Variants in RIN2 observed in about 807,000 individuals in gnomAD.
RIN2 encodes the protein RAB5 interacting protein 2.
Under a neutral mutation model 78.0 loss-of-function variants are expected in RIN2, and 36 were observed. That is an observed-to-expected ratio of 0.46 (90% CI 0.35 to 0.61). The LOEUF (loss-of-function observed/expected upper bound fraction) is 0.61. Ranked by LOEUF, RIN2 falls within the 20% of genes least tolerant of loss-of-function variation. The pLI is 0.00. For synonymous variants in RIN2, 466 were observed against 466.8 expected (o/e 1.00, Z 0.02); for missense variants, 1,087 against 1,159.7 (o/e 0.94, Z 0.91).
upstream of RIN2, chr20:19,758,209 TTCCTCCTCTTCCTCC>T (rs36233368): frequency 0.34 from 50,926 of 149,024 alleles, 10,839 homozygotes; most frequent in Non-Finnish European, 0.44. Context: ...TTTCTCCCCC[TTCCTCCTCTTCCTCC>T]TCCTCCTCTT....
chr20:19,893,734 T>C (rs894518425), intron 3 of RIN2, among the ~76,000 whole-genome samples: 7 of 152,144 alleles, frequency 4.6e-5, no homozygotes, highest in African/African-American at 1.7e-4. Context: ...CATTGTTAAT[T>C]TTCCACAACC....
chr20:19,870,017 AT>A (rs2123355666), intron 2 of RIN2, among the ~76,000 whole-genome samples: 1 of 152,072 alleles, frequency 6.6e-6, no homozygotes, highest in African/African-American at 2.4e-5. Flanking sequence ...CCTCTGTACT[AT>A]TTGCACAGGT....
At chr20:19,876,501 G>A (rs1409659362) in intron 2 of RIN2, among the ~76,000 whole-genome samples, 2 of 152,202 alleles carry the variant, frequency 1.3e-5, no homozygotes, top group East Asian at 3.8e-4. Context: ...TAAAATGGAA[G>A]CTTCCAGATG....
At chr20:19,923,013 T>C (rs2039990736) in intron 3 of RIN2, among the ~76,000 whole-genome samples, 1 of 152,170 alleles carries the variant, frequency 6.6e-6, no homozygotes, top group Non-Finnish European at 1.5e-5. Flanking sequence ...CCTTTTAAGC[T>C]TGAGGAAATT....
intron 7 of RIN2, among the ~76,000 whole-genome samples, chr20:19,966,496 G>A (rs553533611): frequency 3.9e-5 from 6 of 152,106 alleles, no homozygotes; most frequent in African/African-American, 1.4e-4. Context: ...GCTAATTTTT[G>A]TATTTTTAGT....
chr20:19,962,467 TCGTTGTTCATTGAGG>T (rs2146265511), intron 6 of RIN2, among the ~76,000 whole-genome samples: 1 of 152,332 alleles, frequency 6.6e-6, no homozygotes, highest in Admixed American at 6.5e-5. Flanking sequence ...GGAAGCTTCC[TCGTTGTTCATTGAGG>T]TCCTTGTGGC....
At chr20:19,952,279 G>T (rs2146213754) in intron 4 of RIN2, among the ~76,000 whole-genome samples, 1 of 152,290 alleles carries the variant, frequency 6.6e-6, no homozygotes, top group East Asian at 1.9e-4. Flanking sequence ...CAGGAGAAGA[G>T]GGGCAGCTGT....
At chr20:19,987,816 C>A (rs1469404151) in intron 9 of RIN2, among the ~76,000 whole-genome samples, 4 of 152,118 alleles carry the variant, frequency 2.6e-5, no homozygotes, top group Admixed American at 2.0e-4. Context: ...ACTTTATAAC[C>A]TCCTTCGCAT....
intron 4 of RIN2, among the ~76,000 whole-genome samples, chr20:19,939,596 A>C (rs1448427469): frequency 6.6e-6 from 1 of 151,850 alleles, no homozygotes. Flanking sequence ...ACACCCCAGC[A>C]CCCCTCTCCT....
At chr20:19,886,741 G>T (rs188049434) in intron 2 of RIN2, 2 of 1,545,992 alleles carry the variant, frequency 1.3e-6, no homozygotes, top group Admixed American at 4.0e-5. Context: ...GCTTCCAACC[G>T]GTACAAGTCT....
chr20:19,918,395 C>G (rs966298471), intron 3 of RIN2, among the ~76,000 whole-genome samples: 6 of 141,138 alleles, frequency 4.3e-5, no homozygotes, highest in South Asian at 2.3e-4. Context: ...GTGTGTGTGT[C>G]AAAGATTGAT....
In RIN2 at chr20:19,823,411, C is replaced by G. The variant is rs185822581; in HGVS notation, c.-37+23664C>G. On this transcript the variant is annotated intron_variant, in intron 2 of 12. Transcript: ENST00000255006. ...TGCTTTTTTTTTTTTCTTTTTTTGT[C>G]AAATGATCCTTTATTGAAATATTTT... 6 of 655,066 alleles carry G rather than the reference C, an allele frequency of 9.2e-6. No homozygotes were observed. In the East Asian group the frequency reaches 1.6e-4, roughly 17 times the overall value. The allele number at this position is 655,066 out of a possible 1,614,324, so 40.6% of individuals were successfully genotyped here.
intron 1 of RIN2, among the ~76,000 whole-genome samples, chr20:19,785,390 A>T (rs77819209): frequency 1.3e-3 from 196 of 152,296 alleles, no homozygotes; most frequent in African/African-American, 4.5e-3. Context: ...AACCTTTAAT[A>T]AAAAAATCAG....
chr20:19,973,501 A>C (rs1484183742), intron 8 of RIN2, among the ~76,000 whole-genome samples: 1 of 152,100 alleles, frequency 6.6e-6, no homozygotes. Context: ...AGAATAACCC[A>C]TTCCAGGCCA....
At chr20:19,881,605 C>T (rs887736734) in intron 2 of RIN2, among the ~76,000 whole-genome samples, 1 of 152,132 alleles carries the variant, frequency 6.6e-6, no homozygotes, top group Non-Finnish European at 1.5e-5. Context: ...GACAGAGCCC[C>T]TCACAGAGTC....
intron 2 of RIN2, among the ~76,000 whole-genome samples, chr20:19,805,130 TGTTA>T (rs2035364985): frequency 6.6e-6 from 1 of 152,072 alleles, no homozygotes; most frequent in South Asian, 2.1e-4. Flanking sequence ...GTTCAGTGAG[TGTTA>T]GTTACTATTT....
chr20:19,895,857 A>G (rs940363774), intron 3 of RIN2: 4 of 152,242 alleles, frequency 2.6e-5, no homozygotes, highest in Admixed American at 2.6e-4. Context: ...GAATAGATGA[A>G]CCAGTGGGTG....
intron 2 of RIN2, among the ~76,000 whole-genome samples, chr20:19,813,796 C>A (rs1461539412): frequency 1.3e-5 from 2 of 152,088 alleles, no homozygotes; most frequent in Non-Finnish European, 1.5e-5. Flanking sequence ...AATTGTGTCA[C>A]CTGTTGTATC....
At chr20:19,865,199 T>C (rs1414239134) in intron 2 of RIN2, among the ~76,000 whole-genome samples, 1 of 152,174 alleles carries the variant, frequency 6.6e-6, no homozygotes, top group African/African-American at 2.4e-5. Flanking sequence ...TAAGGAGAGA[T>C]GCTCACCGTC....
Sources: gnomAD v4.1 joint callset for allele counts (sites outside exome capture counted in the v4.1 genomes callset) on GRCh38, gnomAD v4.1.1 for gene constraint, MANE v1.5 for transcripts, NCBI Gene and HGNC (gene_info 2026-07-23, HGNC 2026-07-21) for gene names.